SSBP2: variants seen among roughly 807,000 people sequenced by gnomAD.
SSBP2 encodes single stranded DNA binding protein 2.
SSBP2 carries 17 observed loss-of-function variants against 61.8 expected under a neutral mutation model. The ratio of observed to expected loss-of-function variants is 0.28; its 90% confidence interval spans 0.19 to 0.41. The LOEUF (loss-of-function observed/expected upper bound fraction) is 0.41, where lower values mean the gene tolerates loss of function less well. Among genes scored for constraint, SSBP2 ranks in the 10% least tolerant of loss-of-function variants. The pLI is 1.00. For synonymous variants in SSBP2, 139 were observed against 141.3 expected (o/e 0.98, Z 0.12); for missense variants, 310 against 458.7 (o/e 0.68, Z 2.96).
intron 4 of SSBP2, among the ~76,000 whole-genome samples, chr5:81,523,128 T>A (rs1580911134): frequency 6.6e-6 from 1 of 152,024 alleles, no homozygotes; most frequent in South Asian, 2.1e-4. Flanking sequence ...ACTTTTCATA[T>A]GGAAGCCATG....
At chr5:81,683,467 C>T (rs1275895026) in intron 1 of SSBP2, among the ~76,000 whole-genome samples, 1 of 152,142 alleles carries the variant, frequency 6.6e-6, no homozygotes, top group East Asian at 1.9e-4. Flanking sequence ...TTGTGCCCTT[C>T]ACAAAAAAAT....
intron 1 of SSBP2, among the ~76,000 whole-genome samples, chr5:81,691,025 A>G (rs1456931722): frequency 6.6e-6 from 1 of 152,162 alleles, no homozygotes; most frequent in African/African-American, 2.4e-5. Flanking sequence ...GAAACAAATG[A>G]TAATGGGAAC....
In SSBP2 at chr5:81,416,799, T is replaced by C. The variant is rs1159395258; in HGVS notation, c.*3705A>G. The C allele has an allele frequency of 1.3e-5, 2 of 152,146 alleles. No individual in the cohort carries two copies. Among genetic ancestry groups the C allele is most frequent in the Admixed American group, 1.3e-4 (2 of 15,268 alleles). The allele number at this position is 152,146 out of a possible 1,614,324, so 9.4% of individuals were successfully genotyped here. Reference sequence around the variant, plus strand: ...TTTATTCTGGAGGGAAAGGGCTGTTTTGGGCACTTTTCATGGCTGGGGGAG... The same window carrying C: ...TTTATTCTGGAGGGAAAGGGCTGTTCTGGGCACTTTTCATGGCTGGGGGAG... On this transcript the variant is annotated 3_prime_UTR_variant, in exon 17 of 17. Transcript: ENST00000320672.
At chr5:81,506,657 T>C (rs1422945124) in intron 5 of SSBP2, among the ~76,000 whole-genome samples, 1 of 152,018 alleles carries the variant, frequency 6.6e-6, no homozygotes, top group Non-Finnish European at 1.5e-5. Context: ...CAGAAGGAAA[T>C]TGAGAGGGCA....
intron 1 of SSBP2, among the ~76,000 whole-genome samples, chr5:81,698,568 T>C (rs955723834): frequency 1.3e-5 from 2 of 152,176 alleles, no homozygotes; most frequent in African/African-American, 4.8e-5. Flanking sequence ...TCCTAGCACT[T>C]TGGGATGCTG....
At chr5:81,478,507 A>AT (rs1158724922) in intron 6 of SSBP2, among the ~76,000 whole-genome samples, 1 of 151,774 alleles carries the variant, frequency 6.6e-6, no homozygotes, top group Non-Finnish European at 1.5e-5. Flanking sequence ...TGCCCAGCTA[A>AT]TTTTTGTATT....
At chr5:81,633,108 CTTTTTTTTT>C (rs143423636) in intron 3 of SSBP2, among the ~76,000 whole-genome samples, 2 of 64,830 alleles carry the variant, frequency 3.1e-5, no homozygotes, top group African/African-American at 7.2e-5. Context: ...GAGCCTCTGT[CTTTTTTTTT>C]TTTTTTTTTT....
At chr5:81,729,241 A>C (rs1232080625) in intron 1 of SSBP2, among the ~76,000 whole-genome samples, 2 of 152,232 alleles carry the variant, frequency 1.3e-5, no homozygotes, top group East Asian at 3.8e-4. Flanking sequence ...TCACTGAATT[A>C]GGTTATATTT....
At position 81,664,520 on chromosome 5, in the gene SSBP2, C is replaced by G. The variant is rs562349192; in HGVS notation, c.63-14181G>C. Among the ~76,000 whole-genome samples, 4 of 152,298 alleles carry G rather than the reference C, an allele frequency of 2.6e-5. No homozygotes were observed. The East Asian group carries it at 7.7e-4, about 29-fold the overall frequency. ...GCATTAATGACTCTCTCAGACCACA[C>G]ATAGGCATTTGTAGAATCCTTTGGT... On this transcript the variant is annotated intron_variant, in intron 1 of 16. Coordinates refer to ENST00000320672, the MANE Select transcript of SSBP2 (RefSeq NM_012446.5).
intron 8 of SSBP2, among the ~76,000 whole-genome samples, chr5:81,468,967 C>T (rs962498843): frequency 6.6e-6 from 1 of 151,924 alleles, no homozygotes; most frequent in Non-Finnish European, 1.5e-5. Context: ...TTAGTCATTG[C>T]AAACAAAATC....
intron 4 of SSBP2, among the ~76,000 whole-genome samples, chr5:81,581,661 T>C (rs960996037): frequency 1.3e-5 from 2 of 152,200 alleles, no homozygotes; most frequent in African/African-American, 2.4e-5. Flanking sequence ...GTTTATGAGA[T>C]AAAGTGTATT....
intron 4 of SSBP2, among the ~76,000 whole-genome samples, chr5:81,525,026 T>A (rs188426966): frequency 3.5e-4 from 54 of 152,132 alleles, no homozygotes; most frequent in Non-Finnish European, 6.2e-4. Context: ...GCTGATGGTC[T>A]CTATTTTGAC....
At chr5:81,749,808 C>G (rs1431433991) in intron 1 of SSBP2, among the ~76,000 whole-genome samples, 1 of 152,244 alleles carries the variant, frequency 6.6e-6, no homozygotes, top group Non-Finnish European at 1.5e-5. Context: ...CAGTGGCATC[C>G]CGGGCCGGGA....
chr5:81,491,150 T>C (rs1335768196), intron 5 of SSBP2, among the ~76,000 whole-genome samples: 3 of 152,224 alleles, frequency 2.0e-5, no homozygotes, highest in African/African-American at 7.2e-5. Context: ...TTAATAAATA[T>C]TGTGTCATTG....
At position 81,437,764 on chromosome 5, in the gene SSBP2, C is replaced by T. The variant is rs145051412; in HGVS notation, c.929-306G>A. 1.0e-3 allele frequency: 187 copies of T among 185,286 alleles called. 1 individual carries two copies. Among genetic ancestry groups the T allele is most frequent in the Non-Finnish European group, 1.6e-3 (146 of 89,392 alleles). 11.5% of individuals were successfully genotyped at this position (185,286 alleles called of 1,614,324 possible). On this transcript the variant is annotated intron_variant, in intron 14 of 16. Coordinates refer to ENST00000320672, the MANE Select transcript of SSBP2 (RefSeq NM_012446.5). ...TAGAAAGACCATTTTATATACCCTA[C>T]CCAATTAAAAATTTAAAAATGTATA... is the stretch of plus-strand genomic sequence containing the variant.
intron 4 of SSBP2, among the ~76,000 whole-genome samples, chr5:81,524,016 T>G (rs562812707): frequency 6.6e-6 from 1 of 152,184 alleles, no homozygotes; most frequent in East Asian, 1.9e-4. Context: ...ATGATTTAAT[T>G]CATTGTAAAA....
chr5:81,692,597 C>T (rs1404745772), intron 1 of SSBP2, among the ~76,000 whole-genome samples: 10 of 152,142 alleles, frequency 6.6e-5, no homozygotes, highest in African/African-American at 2.2e-4. Flanking sequence ...CATTACCTGA[C>T]TTCAAATTAT....
intron 4 of SSBP2, among the ~76,000 whole-genome samples, chr5:81,563,936 A>G (rs1422964670): frequency 6.6e-6 from 1 of 152,232 alleles, no homozygotes; most frequent in African/African-American, 2.4e-5. Flanking sequence ...CAGTGGGTGT[A>G]AAGGCAACCC....
At chr5:81,715,389 G>T (rs2153952691) in intron 1 of SSBP2, among the ~76,000 whole-genome samples, 1 of 152,252 alleles carries the variant, frequency 6.6e-6, no homozygotes, top group East Asian at 1.9e-4. Context: ...AAGAGTCCAA[G>T]ATAACAACTA....
Sources: allele counts gnomAD v4.1 joint callset (sites outside exome capture counted in the v4.1 genomes callset), GRCh38; gene constraint gnomAD v4.1.1; transcripts MANE v1.5; gene names NCBI Gene and HGNC (gene_info 2026-07-23, HGNC 2026-07-21).